NRF1: variants seen among roughly 807,000 people sequenced by gnomAD.
NRF1 encodes the protein nuclear respiratory factor 1.
NRF1 carries 5 observed loss-of-function variants against 58.5 expected under a neutral mutation model. The observed-to-expected ratio is 0.09, with a 90% CI of 0.04 to 0.18. NRF1 has a LOEUF of 0.18. Among genes scored for constraint, NRF1 ranks in the 10% least tolerant of loss-of-function variants. The pLI is 1.00. For missense variants in NRF1, 288 were observed against 657.7 expected, an observed-to-expected ratio of 0.44 and a Z score of 6.15; for synonymous variants, 224 against 246.7, an observed-to-expected ratio of 0.91 and a Z score of 0.86.
chr7:129,749,835 T>TA (rs1804071112), intron 10 of NRF1, among the ~76,000 whole-genome samples: 2 of 152,160 alleles, frequency 1.3e-5, no homozygotes, highest in South Asian at 2.1e-4. Flanking sequence ...TTTTTTTTTT[T>TA]AATAAAATTT....
At chr7:129,691,364 A>ATTTTT (rs35512508) in intron 5 of NRF1, among the ~76,000 whole-genome samples, 31 of 134,154 alleles carry the variant, frequency 2.3e-4, no homozygotes, top group African/African-American at 7.8e-4. Flanking sequence ...TATTATTATT[A>ATTTTT]TTTTTTTTTT....
intron 2 of NRF1, among the ~76,000 whole-genome samples, chr7:129,669,685 T>C (rs995595125): frequency 5.3e-5 from 8 of 152,140 alleles, no homozygotes; most frequent in East Asian, 1.9e-4. Context: ...ATCAAAAATA[T>C]AAACTAGTGG....
chr7:129,753,593 G>A (rs1228850788), intron 10 of NRF1, among the ~76,000 whole-genome samples: 3 of 152,114 alleles, frequency 2.0e-5, no homozygotes, highest in Non-Finnish European at 4.4e-5. Flanking sequence ...TGCCTTACTG[G>A]GAATCCTTTT....
chr7:129,752,214 C>T (rs1804134737), intron 10 of NRF1, among the ~76,000 whole-genome samples: 1 of 152,208 alleles, frequency 6.6e-6, no homozygotes, highest in South Asian at 2.1e-4. Flanking sequence ...GCTGCTCCAG[C>T]ATTGATAAGG....
intron 10 of NRF1, among the ~76,000 whole-genome samples, chr7:129,737,840 A>G (rs140491451): frequency 2.0e-5 from 3 of 152,370 alleles, no homozygotes; most frequent in African/African-American, 7.2e-5. Flanking sequence ...GTTGTGTTCT[A>G]TGACACTGTG....
Position 129,611,743 on chromosome 7 carries a change from C to T in NRF1, c.-88C>T, listed in dbSNP as rs1800530878. ...GCAGAAGCGGCAGCGCTCGCCATTG[C>T]CGCTGGTGGCAGGAGGCTGCGAGGA... is the stretch of plus-strand genomic sequence containing the variant. On this transcript the variant is annotated 5_prime_UTR_variant, in exon 1 of 11. Coordinates refer to ENST00000393232, the MANE Select transcript of NRF1 (RefSeq NM_005011.5). 2 of 332,852 alleles carry T rather than the reference C, an allele frequency of 6.0e-6. No homozygotes were observed. The highest frequency in any genetic ancestry group is 2.1e-5 in the African/African-American group (1 of 46,782). The allele number at this position is 332,852 out of a possible 1,614,324, so 20.6% of individuals were successfully genotyped here.
chr7:129,625,711 T>G (rs1181344813), intron 1 of NRF1, among the ~76,000 whole-genome samples: 1 of 129,892 alleles, frequency 7.7e-6, no homozygotes, highest in Non-Finnish European at 1.6e-5. Context: ...AGACGGAGTC[T>G]CGCTCTGTTG....
chr7:129,658,452 G>T (rs1196187516), intron 2 of NRF1, among the ~76,000 whole-genome samples: 1 of 152,026 alleles, frequency 6.6e-6, no homozygotes, highest in African/African-American at 2.4e-5. Flanking sequence ...GCTGGGTGTG[G>T]TGACGTGCTC....
At chr7:129,696,227 A>G (rs1366077054) in intron 5 of NRF1, among the ~76,000 whole-genome samples, 1 of 152,144 alleles carries the variant, frequency 6.6e-6, no homozygotes, top group East Asian at 1.9e-4. Flanking sequence ...CTGGGGCAAC[A>G]AGAGCGAAAC....
intron 4 of NRF1, among the ~76,000 whole-genome samples, chr7:129,681,807 T>C (rs2402968): frequency 0.9 from 136,351 of 151,956 alleles, 61,256 homozygotes; most frequent in East Asian, 0.93. Context: ...AAACATGGGG[T>C]CAGGTACAGT....
intron 1 of NRF1, chr7:129,633,560 T>G (rs1253624212): frequency 6.6e-6 from 1 of 152,178 alleles, no homozygotes; most frequent in African/African-American, 2.4e-5. Flanking sequence ...CACCATAGGC[T>G]ACTGTTGGCA....
chr7:129,649,953 A>G (rs1199292400), intron 1 of NRF1, among the ~76,000 whole-genome samples: 1 of 151,862 alleles, frequency 6.6e-6, no homozygotes, highest in Admixed American at 6.6e-5. Context: ...GGGTCTCCCT[A>G]TGTTGCCCAG....
intron 10 of NRF1, among the ~76,000 whole-genome samples, chr7:129,745,907 C>T (rs983255386): frequency 9.9e-5 from 15 of 152,212 alleles, no homozygotes; most frequent in African/African-American, 3.6e-4. Context: ...GCATGAAAAG[C>T]TTCCTGGTGG....
At chr7:129,736,274 ATTT>A (rs61690883) in intron 10 of NRF1, among the ~76,000 whole-genome samples, 631 of 97,930 alleles carry the variant, frequency 6.4e-3, no homozygotes, top group East Asian at 0.015. Context: ...GCTCAATAGA[ATTT>A]TTTTTTTTTT....
chr7:129,672,200 C>CTTTTTT (rs58022845), intron 3 of NRF1, among the ~76,000 whole-genome samples: 3 of 116,872 alleles, frequency 2.6e-5, no homozygotes, highest in Middle Eastern at 5.1e-3. Flanking sequence ...GCCAGGAGAT[C>CTTTTTT]TTTTTTTTTT....
chr7:129,693,068 T>C (rs1241450070), intron 5 of NRF1, among the ~76,000 whole-genome samples: 1 of 152,214 alleles, frequency 6.6e-6, no homozygotes, highest in South Asian at 2.1e-4. Flanking sequence ...AGGAATTTAG[T>C]TTCTGTCCTT....
rs551907291 is a variant in NRF1 at position 129,679,973 on chromosome 7, T to C, written c.465+2215T>C. Among the ~76,000 whole-genome samples, 16 of 151,556 alleles carry C rather than the reference T, an allele frequency of 1.1e-4. No individual in the cohort carries two copies. The East Asian group carries it at 2.9e-3, about 28-fold the overall frequency. On this transcript the variant is annotated intron_variant, in intron 4 of 10. Transcript: ENST00000393232. ...CTCTGGAGGCTGAGGCAGGAAAATC[T>C]CTTGAACCCAGGAGGCAGAGGTTGC...
At chr7:129,681,318 G>A in intron 4 of NRF1, among the ~76,000 whole-genome samples, 1 of 152,184 alleles carries the variant, frequency 6.6e-6, no homozygotes, top group Admixed American at 6.5e-5. Flanking sequence ...AAATAAATTT[G>A]TATGGGTTTA....
chr7:129,738,174 A>C (rs771770766), intron 10 of NRF1, among the ~76,000 whole-genome samples: 1 of 152,250 alleles, frequency 6.6e-6, no homozygotes, highest in Non-Finnish European at 1.5e-5. Context: ...GTGTATTACA[A>C]CTGTTTCTCC....
Sources: allele counts gnomAD v4.1 joint callset (sites outside exome capture counted in the v4.1 genomes callset), GRCh38; gene constraint gnomAD v4.1.1; transcripts MANE v1.5; gene names NCBI Gene and HGNC (gene_info 2026-07-23, HGNC 2026-07-21).